Variants in PRPF18 observed in about 807,000 individuals in gnomAD.
PRPF18 encodes the protein pre-mRNA processing factor 18.
A neutral mutation model predicts 46.5 loss-of-function variants in PRPF18; 38 were observed. The observed-to-expected ratio is 0.82, with a 90% CI of 0.63 to 1.07. PRPF18 has a LOEUF of 1.07. Among genes scored for constraint, PRPF18 ranks in the 50% least tolerant of loss-of-function variants. The pLI is 0.00. For synonymous variants in PRPF18, 152 were observed against 146.7 expected, an observed-to-expected ratio of 1.04 and a Z score of -0.26; for missense variants, 263 against 410.0, an observed-to-expected ratio of 0.64 and a Z score of 3.10.
At chr10:13,652,017 G>A in the PRPF18 span, 1 of 1,022,794 alleles carries the variant, frequency 9.8e-7, no homozygotes, top group Non-Finnish European at 1.6e-6. Flanking sequence ...GAGAGGTCAT[G>A]TTACAGAGAG....
At chr10:13,633,202 C>T (rs1490099233), downstream of PRPF18, among the ~76,000 whole-genome samples, 2 of 152,158 alleles carry the variant, frequency 1.3e-5, no homozygotes, top group South Asian at 2.1e-4. Flanking sequence ...AGGAAGGGAG[C>T]GGTCCTGAGA....
At chr10:13,654,108 G>GAAAT in the PRPF18 span, 12,666 of 519,080 alleles carry the variant, frequency 0.024, 738 homozygotes, top group African/African-American at 0.15. Flanking sequence ...AATCCAAACC[G>GAAAT]AAATGAAATG....
At chr10:13,616,110 T>C (rs1396073305) in intron 8 of PRPF18, among the ~76,000 whole-genome samples, 1 of 152,220 alleles carries the variant, frequency 6.6e-6, no homozygotes, top group Non-Finnish European at 1.5e-5. Flanking sequence ...ATCTGCAACA[T>C]ATTAATTTCC....
chr10:13,596,624 C>T (rs1408514487), intron 1 of PRPF18, among the ~76,000 whole-genome samples: 1 of 152,134 alleles, frequency 6.6e-6, no homozygotes, highest in Admixed American at 6.5e-5. Flanking sequence ...GGCAACAAGC[C>T]TCCAAATTAC....
the PRPF18 span, chr10:13,646,018 C>T: frequency 6.6e-6 from 1 of 152,420 alleles, no homozygotes; most frequent in Non-Finnish European, 1.5e-5. Flanking sequence ...CGGCTGAACC[C>T]CCTGCATGGA....
At chr10:13,612,894 T>C (rs534648551) in intron 6 of PRPF18, among the ~76,000 whole-genome samples, 4 of 152,302 alleles carry the variant, frequency 2.6e-5, no homozygotes, top group East Asian at 3.9e-4. Context: ...CTCTCTTTAG[T>C]GGTCTAGATA....
intron 1 of PRPF18, chr10:13,591,772 A>G: frequency 7.2e-7 from 1 of 1,388,566 alleles, no homozygotes; most frequent in Non-Finnish European, 9.7e-7. Flanking sequence ...TCATAGAGGA[A>G]CTCGATTGAG....
intron 1 of PRPF18, among the ~76,000 whole-genome samples, chr10:13,590,677 C>T: frequency 6.6e-6 from 1 of 150,870 alleles, no homozygotes; most frequent in East Asian, 1.9e-4. Flanking sequence ...TAATGTTAGG[C>T]ATCATGCAAT....
intron 9 of PRPF18, among the ~76,000 whole-genome samples, chr10:13,617,224 T>A (rs150769909): frequency 6.6e-6 from 1 of 152,370 alleles, no homozygotes; most frequent in African/African-American, 2.4e-5. Flanking sequence ...GTTCTAAAAC[T>A]TGACAGTGAT....
chr10:13,636,922 C>G, the PRPF18 span: 1 of 152,200 alleles, frequency 6.6e-6, no homozygotes, highest in Non-Finnish European at 1.5e-5. Context: ...AAAAAGAACC[C>G]CGTTTGCCTG....
At chr10:13,625,203 G>A (rs777888918) in intron 9 of PRPF18, among the ~76,000 whole-genome samples, 43 of 151,990 alleles carry the variant, frequency 2.8e-4, no homozygotes, top group Non-Finnish European at 4.3e-4. Context: ...GGTGGTGCAT[G>A]CCTATTCAGG....
the PRPF18 span, among the ~76,000 whole-genome samples, chr10:13,637,456 A>G: frequency 5.9e-5 from 9 of 152,248 alleles, no homozygotes; most frequent in South Asian, 1.9e-3. Context: ...CATATGTTTA[A>G]TGGCCATTTG....
At chr10:13,591,142 G>T (rs1449528529) in intron 1 of PRPF18, among the ~76,000 whole-genome samples, 1 of 152,176 alleles carries the variant, frequency 6.6e-6, no homozygotes, top group Non-Finnish European at 1.5e-5. Context: ...GCTCTTGCAT[G>T]ATGTAAGGGA....
intron 9 of PRPF18, among the ~76,000 whole-genome samples, 166 bp from the exon 10 acceptor site, chr10:13,630,094 C>T (rs951463683): frequency 6.6e-6 from 1 of 152,094 alleles, no homozygotes; most frequent in African/African-American, 2.4e-5. Context: ...TTGTGTGGAC[C>T]TGCAGGTGCA....
At chr10:13,595,374 G>A (rs889048098) in intron 1 of PRPF18, among the ~76,000 whole-genome samples, 3 of 142,842 alleles carry the variant, frequency 2.1e-5, no homozygotes, top group Non-Finnish European at 4.6e-5. Context: ...CATGGCCTCC[G>A]GCCTGGAGAG....
intron 9 of PRPF18, among the ~76,000 whole-genome samples, chr10:13,624,168 A>G (rs2080463647): frequency 6.6e-6 from 1 of 152,054 alleles, no homozygotes; most frequent in Non-Finnish European, 1.5e-5. Context: ...TCGTAGTGAC[A>G]TGGTATGCCA....
In PRPF18 at chr10:13,625,645, A is replaced by G. The variant is rs145026839; in HGVS notation, c.949-4615A>G. Among the ~76,000 whole-genome samples, 10 of 152,328 alleles carry G rather than the reference A, an allele frequency of 6.6e-5. No homozygotes were observed. The East Asian group carries it at 1.9e-3, about 29-fold the overall frequency. ...AATTCACTTAATACAGCGCAAATGA[A>G]TAGGAAGAGTTCACATCAAGGCACA... On this transcript the variant is annotated intron_variant, in intron 9 of 9. Transcript: ENST00000378572.
chr10:13,653,674 C>CAGATGAGAT, the PRPF18 span, among the ~76,000 whole-genome samples: 6 of 152,224 alleles, frequency 3.9e-5, no homozygotes, highest in Non-Finnish European at 7.3e-5. Flanking sequence ...CTCTAACCAA[C>CAGATGAGAT]AGATGAGATG....
At chr10:13,601,875 A>G (rs182310044) in intron 3 of PRPF18, among the ~76,000 whole-genome samples, 3 of 152,370 alleles carry the variant, frequency 2.0e-5, no homozygotes, top group East Asian at 3.9e-4. Context: ...GTAATTTATT[A>G]AAATTAGCTC....
Sources: allele counts gnomAD v4.1 joint callset (sites outside exome capture counted in the v4.1 genomes callset), GRCh38; gene constraint gnomAD v4.1.1; transcripts MANE v1.5; gene names NCBI Gene and HGNC (gene_info 2026-07-23, HGNC 2026-07-21).